The following CDK5RAP1 variants were observed in gnomAD, a reference collection of about 807,000 sequenced individuals.
The protein encoded by CDK5RAP1 is mitochondrial tRNA methylthiotransferase CDK5RAP1.
CDK5RAP1 carries 62 observed loss-of-function variants against 64.5 expected under a neutral mutation model. The ratio of observed to expected loss-of-function variants is 0.96; its 90% CI spans 0.78 to 1.19. The LOEUF (loss-of-function observed/expected upper bound fraction) is 1.19, where lower values mean the gene tolerates loss of function less well. Ranked by LOEUF, CDK5RAP1 falls within the 50% of genes most tolerant of loss-of-function variation. The pLI is 0.00. For synonymous variants in CDK5RAP1, 250 were observed against 261.9 expected (o/e 0.95, Z 0.44); for missense variants, 657 against 735.0 (o/e 0.89, Z 1.23).
intron 11 of CDK5RAP1, among the ~76,000 whole-genome samples, chr20:33,368,570 A>C (rs932044027): frequency 7.2e-6 from 1 of 139,302 alleles, no homozygotes; most frequent in Admixed American, 8.2e-5. Flanking sequence ...TACCAATCCT[A>C]GTATTAAAAA....
At chr20:33,398,597 G>A (rs1053984183) in intron 1 of CDK5RAP1, among the ~76,000 whole-genome samples, 1 of 152,092 alleles carries the variant, frequency 6.6e-6, no homozygotes, top group African/African-American at 2.4e-5. Context: ...AAGTTCTGGT[G>A]CATCCATACA....
chr20:33,395,139 A>T (rs1355338747), intron 2 of CDK5RAP1, 23 bp from the exon 3 acceptor site: 11 of 1,402,550 alleles, frequency 7.8e-6, no homozygotes, highest in Non-Finnish European at 1.1e-5. Context: ...GTTGGGGGGA[A>T]TCCATGGTAG....
At chr20:33,400,661 A>C (rs1989319975) in intron 1 of CDK5RAP1, among the ~76,000 whole-genome samples, 1 of 152,172 alleles carries the variant, frequency 6.6e-6, no homozygotes, top group South Asian at 2.1e-4. Flanking sequence ...CTAAAAATAC[A>C]AAACTTAGCC....
intron 11 of CDK5RAP1, among the ~76,000 whole-genome samples, chr20:33,367,381 T>C (rs1337078237): frequency 6.6e-6 from 1 of 152,258 alleles, no homozygotes; most frequent in African/African-American, 2.4e-5. Context: ...AATAGGCAAG[T>C]AGTCACAGAA....
Position 33,397,051 on chromosome 20 carries a change from T to C in CDK5RAP1, c.14A>G (p.Gln5Arg). The C allele has an allele frequency of 6.2e-7, 1 of 1,609,944 alleles. No individual in the cohort carries two copies. Among genetic ancestry groups the C allele is most frequent in the Non-Finnish European group, 8.5e-7 (1 of 1,178,068 alleles). MHPL[Q>R]CVLQVQRSLG... Reference sequence around the variant, plus strand: ...AGACCTCTGCACTTGGAGGACACACTGTAAAGGGTGCATGGCACTAAACAG... The same window carrying C: ...AGACCTCTGCACTTGGAGGACACACCGTAAAGGGTGCATGGCACTAAACAG... Residue 5 changes from glutamine to arginine, a missense_variant, in exon 2 of 14, where the codon CAG becomes CGG. Physicochemically the swap from Gln to Arg is conservative, Grantham distance 43 (BLOSUM62 1). Coordinates refer to ENST00000346416, the MANE Select transcript of CDK5RAP1 (RefSeq NM_016408.4).
At position 33,360,141 on chromosome 20, in the gene CDK5RAP1, C is replaced by T. The variant is rs932481614; in HGVS notation, c.1683+210G>A. On this transcript the variant is annotated intron_variant, in intron 13 of 13. Transcript: ENST00000346416. ...ACTCACCAAATTCCCACAAAGAACG[C>T]TTCCAGGGCAGGAGAATAGGTAAGA... The T allele has an allele frequency of 8.9e-6, 5 of 559,430 alleles. No individual in the cohort carries two copies. In the Admixed American group the frequency reaches 1.0e-4, roughly 11 times the overall value. 34.7% of individuals were successfully genotyped at this position (559,430 alleles called of 1,614,324 possible). A position where few individuals can be genotyped will look rare whatever the true frequency, so the allele number is the denominator to read the frequency against.
In CDK5RAP1 at chr20:33,381,977, A is replaced by G. The variant is rs145410449; in HGVS notation, c.877-2286T>C. The stretch of plus-strand genomic sequence containing the variant: ...ATAAAGTCTGAAGAGAGTTAATAGT[A>G]ACATACCAATATTAATCTCTTAGTT... On this transcript the variant is annotated intron_variant, in intron 7 of 13. Coordinates refer to ENST00000346416, the MANE Select transcript of CDK5RAP1 (RefSeq NM_016408.4). Among the ~76,000 whole-genome samples the G allele has an allele frequency of 9.8e-3, 1,498 of 152,280 alleles. 17 individuals are homozygous for G. Among genetic ancestry groups the G allele is most frequent in the African/African-American group, 0.033 (1,383 of 41,556 alleles).
chr20:33,376,743 C>G (rs369583314), intron 8 of CDK5RAP1, among the ~76,000 whole-genome samples: 4 of 152,016 alleles, frequency 2.6e-5, no homozygotes, highest in Non-Finnish European at 5.9e-5. Flanking sequence ...CTATAGCTGT[C>G]GTAGATAGTG....
chr20:33,397,429 C>A (rs754764718), intron 1 of CDK5RAP1, among the ~76,000 whole-genome samples: 12 of 152,184 alleles, frequency 7.9e-5, no homozygotes, highest in African/African-American at 2.9e-4. Flanking sequence ...TTACAGCAAT[C>A]CTAGGAAGCA....
intron 8 of CDK5RAP1, among the ~76,000 whole-genome samples, chr20:33,378,636 A>C (rs1312349532): frequency 6.6e-6 from 1 of 152,210 alleles, no homozygotes; most frequent in Non-Finnish European, 1.5e-5. Flanking sequence ...CAACAACCCA[A>C]AGCAGGAGGT....
intron 5 of CDK5RAP1, among the ~76,000 whole-genome samples, chr20:33,391,239 ACT>A (rs1361823478): frequency 1.6e-5 from 2 of 127,650 alleles, no homozygotes; most frequent in South Asian, 2.6e-4. Context: ...ACAGTGTGAG[ACT>A]CTGTTTTTAA....
chr20:33,374,527 T>C (rs1357404483), intron 8 of CDK5RAP1, among the ~76,000 whole-genome samples: 1 of 151,132 alleles, frequency 6.6e-6, no homozygotes, highest in Non-Finnish European at 1.5e-5. Context: ...AGGAAAAAAA[T>C]GGCACTTCTT....
At chr20:33,372,874 C>T (rs543099719) in intron 9 of CDK5RAP1, 177 bp from the exon 10 acceptor site, 1 of 449,278 alleles carries the variant, frequency 2.2e-6, no homozygotes, top group East Asian at 3.7e-5. Context: ...ATCTTCTAAT[C>T]TAATCTAGAG....
chr20:33,374,222 CA>C lies in CDK5RAP1; in HGVS notation c.1108-11del. 1 of 1,561,762 alleles carries C rather than the reference CA, an allele frequency of 6.4e-7. No homozygotes were observed. The highest frequency in any genetic ancestry group is 1.1e-5 in the South Asian group (1 of 90,030). Reference sequence around the variant, plus strand: ...GAATCAGCTGCAGAACCTGATGAAACAGAACACATTATAGGTAATCACAATC... The same window carrying C: ...GAATCAGCTGCAGAACCTGATGAAACGAACACATTATAGGTAATCACAATC... On this transcript the variant is annotated splice_polypyrimidine_tract_variant and intron_variant, in intron 8 of 13. Coordinates refer to ENST00000346416, the MANE Select transcript of CDK5RAP1 (RefSeq NM_016408.4).
chr20:33,401,383 G>C (rs1989401209), intron 1 of CDK5RAP1, 45 bp downstream of exon 1: 1 of 985,062 alleles, frequency 1.0e-6, no homozygotes, highest in Non-Finnish European at 1.2e-6. Flanking sequence ...CCAGGCGCCA[G>C]TCAAAAGCGG....
At chr20:33,387,232 G>C in intron 6 of CDK5RAP1, 91 bp downstream of exon 6, 3 of 954,342 alleles carry the variant, frequency 3.1e-6, no homozygotes, top group Non-Finnish European at 4.7e-6. Flanking sequence ...CTCCAGCCTG[G>C]ATGACAAGAG....
At chr20:33,387,256 CAAA>C (rs367959712) in intron 6 of CDK5RAP1, 64 bp downstream of exon 6, 4,573 of 1,029,182 alleles carry the variant, frequency 4.4e-3, no homozygotes, top group Non-Finnish European at 5.0e-3. Context: ...GACCCTGTCT[CAAA>C]AAAAAAAAAA....
At chr20:33,382,934 C>A (rs1381145883) in intron 7 of CDK5RAP1, among the ~76,000 whole-genome samples, 4 of 150,324 alleles carry the variant, frequency 2.7e-5, no homozygotes, top group African/African-American at 9.8e-5. Flanking sequence ...TAATCCTAGC[C>A]CTTTGGGAGG....
Position 33,401,483 on chromosome 20 carries a change from C to A in CDK5RAP1, c.-76G>T. On this transcript the variant is annotated 5_prime_UTR_variant, in exon 1 of 14. Transcript: ENST00000346416. ...CGCAGCGTAAGTTCTGCCGGCAAGTCGGATCCCCTCACAGGTCCGCCGCTG... is the reference window on the plus strand; with the variant it reads ...CGCAGCGTAAGTTCTGCCGGCAAGTAGGATCCCCTCACAGGTCCGCCGCTG... 1 of 985,468 alleles carries A rather than the reference C, an allele frequency of 1.0e-6. No individual in the cohort carries two copies. The highest frequency in any genetic ancestry group is 1.1e-4 in the East Asian group (1 of 8,816). The allele number at this position is 985,468 out of a possible 1,614,324, so 61.0% of individuals were successfully genotyped here. A position where few individuals can be genotyped will look rare whatever the true frequency, so the allele number is the denominator to read the frequency against.
Sources: allele counts gnomAD v4.1 joint callset (sites outside exome capture counted in the v4.1 genomes callset), GRCh38; gene constraint gnomAD v4.1.1; transcripts MANE v1.5; gene names NCBI Gene and HGNC (gene_info 2026-07-23, HGNC 2026-07-21).